ZNF578: variants seen among roughly 807,000 people sequenced by gnomAD.
ZNF578 encodes zinc finger protein 578.
A neutral mutation model predicts 8.3 loss-of-function variants in ZNF578; 8 were observed. That is an observed-to-expected ratio of 0.96 (90% confidence interval 0.56 to 1.74). The LOEUF (loss-of-function observed/expected upper bound fraction) is 1.74, where lower values mean the gene tolerates loss of function less well. ZNF578 is among the 40% of genes most tolerant of loss of function. ZNF578 has a pLI of 0.00. For missense variants in ZNF578, 726 were observed against 707.5 expected (o/e 1.03, Z -0.30); for synonymous variants, 206 against 232.2 (o/e 0.89, Z 1.03).
At position 52,514,528 on chromosome 19, in the gene ZNF578, T is replaced by A. The variant is rs1383295360; in HGVS notation, c.*2374T>A. On this transcript the variant is annotated 3_prime_UTR_variant, in exon 6 of 6. Transcript: ENST00000421239. Reference sequence around the variant, plus strand: ...AGTTAGTCTGTTTTTCAGTTTTCTTTCCTTATGTCATTTTTTAAAATCTTG... The same window carrying A: ...AGTTAGTCTGTTTTTCAGTTTTCTTACCTTATGTCATTTTTTAAAATCTTG... Among the ~76,000 whole-genome samples the A allele has an allele frequency of 1.3e-5, 2 of 152,234 alleles. No homozygotes were observed. Among genetic ancestry groups the A allele is most frequent in the Non-Finnish European group, 2.9e-5 (2 of 68,044 alleles).
chr19:52,501,809 T>C lies in ZNF578; in HGVS notation c.-19-18T>C. Reference sequence around the variant, plus strand: ...GAGTCATATCTAACCTGAAGTCTTATTTTTCTTCCACATACAGGATTGATT... The same window carrying C: ...GAGTCATATCTAACCTGAAGTCTTACTTTTCTTCCACATACAGGATTGATT... On this transcript the variant is annotated intron_variant, in intron 3 of 5. Transcript: ENST00000421239. The C allele has an allele frequency of 1.9e-6, 3 of 1,609,622 alleles. No individual in the cohort carries two copies. The highest frequency in any genetic ancestry group is 2.5e-6 in the Non-Finnish European group (3 of 1,178,454).
At chr19:52,510,495 T>C in intron 5 of ZNF578, 77 bp from the exon 6 acceptor site, 8 of 1,392,408 alleles carry the variant, frequency 5.7e-6, no homozygotes, top group Non-Finnish European at 7.5e-6. Context: ...TATTTTTTAT[T>C]GTGTCATATT....
chr19:52,513,149 T>C lies in ZNF578; in HGVS notation c.*995T>C, dbSNP rs530963089. Among the ~76,000 whole-genome samples, 41 of 152,094 alleles carry C rather than the reference T, an allele frequency of 2.7e-4. No homozygotes were observed. Among genetic ancestry groups the C allele is most frequent in the African/African-American group, 8.7e-4 (36 of 41,516 alleles). ...GATTCCTCTGCCTCAGCCTCCCTAG[T>C]TGCTGGGATTACAGGTATATGCCAC... On this transcript the variant is annotated 3_prime_UTR_variant, in exon 6 of 6. Coordinates refer to ENST00000421239, the MANE Select transcript of ZNF578 (RefSeq NM_001099694.2).
intron 5 of ZNF578, among the ~76,000 whole-genome samples, chr19:52,506,382 G>C (rs551119078): frequency 4.9e-4 from 75 of 152,122 alleles, no homozygotes; most frequent in African/African-American, 1.7e-3. Context: ...AGGCTGAGGT[G>C]GGTGAATCAC....
At position 52,484,766 on chromosome 19, in the gene ZNF578, G is replaced by A. The variant is rs545617546; in HGVS notation, c.-121-6558G>A. ...CTGAGTACCTTGTGACCCCCACTCT[G>A]CCCGCCAGAGAACAACCCCCCTTTG... On this transcript the variant is annotated intron_variant, in intron 2 of 5. Transcript: ENST00000421239. 7.7e-3 allele frequency among the ~76,000 whole-genome samples: 1,154 copies of A among 149,246 alleles called. 15 individuals are homozygous for A. The highest frequency in any genetic ancestry group is 0.027 in the African/African-American group (1,097 of 40,376).
chr19:52,482,279 C>T (rs1336093725), intron 2 of ZNF578, among the ~76,000 whole-genome samples: 1 of 152,162 alleles, frequency 6.6e-6, no homozygotes, highest in Non-Finnish European at 1.5e-5. Flanking sequence ...GGTGATCTCC[C>T]CACCTGGGCC....
chr19:52,496,092 T>C (rs974803072), intron 3 of ZNF578, among the ~76,000 whole-genome samples: 1 of 151,968 alleles, frequency 6.6e-6, no homozygotes, highest in Non-Finnish European at 1.5e-5. Context: ...CGATCTGGAC[T>C]CACTGTAACC....
intron 3 of ZNF578, among the ~76,000 whole-genome samples, chr19:52,500,982 A>T (rs2059405084): frequency 6.6e-6 from 1 of 150,478 alleles, no homozygotes; most frequent in Admixed American, 6.7e-5. Flanking sequence ...GGCTTCAAGC[A>T]ATTCTCCTGC....
chr19:52,499,967 C>T (rs180926014), intron 3 of ZNF578, among the ~76,000 whole-genome samples: 10 of 152,248 alleles, frequency 6.6e-5, no homozygotes, highest in East Asian at 5.8e-4. Flanking sequence ...CCCCACGGGC[C>T]GCTTTCCTTT....
At chr19:52,499,466 G>C (rs947283579) in intron 3 of ZNF578, among the ~76,000 whole-genome samples, 1 of 152,094 alleles carries the variant, frequency 6.6e-6, no homozygotes, top group Non-Finnish European at 1.5e-5. Context: ...CCCACCTTCA[G>C]CTGTCCATAA....
At chr19:52,496,113 G>A (rs1267074850) in intron 3 of ZNF578, among the ~76,000 whole-genome samples, 1 of 151,708 alleles carries the variant, frequency 6.6e-6, no homozygotes, top group Admixed American at 6.6e-5. Flanking sequence ...TCTGCCTCCC[G>A]GGTTCAAGGA....
rs145723928 is a variant in ZNF578 at position 52,502,718 on chromosome 19, C to T, written c.63+810C>T. Among the ~76,000 whole-genome samples the T allele has an allele frequency of 1.1e-4, 17 of 152,180 alleles. No homozygotes were observed. The East Asian group carries it at 1.4e-3, about 12-fold the overall frequency. ...TGCCACTGCACTCCAGCCTGGGAAA[C>T]GGAGCAAGACTCTGTCTCAAAAGAA... On this transcript the variant is annotated intron_variant, in intron 4 of 5. Coordinates refer to ENST00000421239, the MANE Select transcript of ZNF578 (RefSeq NM_001099694.2).
chr19:52,497,924 A>G (rs2059392618), intron 3 of ZNF578, among the ~76,000 whole-genome samples: 1 of 152,128 alleles, frequency 6.6e-6, no homozygotes, highest in Admixed American at 6.6e-5. Flanking sequence ...TTGACTTGGA[A>G]CCTTGGTTTA....
In ZNF578 at chr19:52,511,552, G is replaced by A. The variant is rs746565748; in HGVS notation, c.1171G>A (p.Ala391Thr). 6.8e-6 allele frequency: 11 copies of A among 1,613,292 alleles called. No individual in the cohort carries two copies. In the Admixed American group the frequency reaches 8.3e-5, roughly 12 times the overall value. The stretch of plus-strand genomic sequence containing the variant: ...AAATTCAACCCTTGTAATTCATAAG[G>A]CAATTCATACTGGAGAGAAACCTTA... ...GQNSTLVIHK[A>T]IHTGEKPYKC... The change falls in exon 6 of 6, where the codon GCA (alanine) becomes ACA (threonine). Residue 391 changes from alanine (A) to threonine (T), a missense_variant. Ala to Thr is a moderately conservative substitution (Grantham distance 58). Coordinates refer to ENST00000421239, the MANE Select transcript of ZNF578 (RefSeq NM_001099694.2).
intron 5 of ZNF578, among the ~76,000 whole-genome samples, chr19:52,507,327 G>T (rs1048319198): frequency 6.6e-6 from 1 of 152,144 alleles, no homozygotes; most frequent in African/African-American, 2.4e-5. Flanking sequence ...GGTGGATGGT[G>T]CAGTGAGCCA....
rs184405353 is a variant in ZNF578 at position 52,477,049 on chromosome 19, G to A, written c.-121-14275G>A. Among the ~76,000 whole-genome samples the A allele has an allele frequency of 1.4e-4, 22 of 152,264 alleles. 1 individual carries two copies. The East Asian group carries it at 4.3e-3, about 29-fold the overall frequency. On this transcript the variant is annotated intron_variant, in intron 2 of 5. Transcript: ENST00000421239. Reference sequence around the variant, plus strand: ...CCTGGTTCAAAAACCTGAAGATCTTGTGACATTAAAACTACTTGAATTTCT... The same window carrying A: ...CCTGGTTCAAAAACCTGAAGATCTTATGACATTAAAACTACTTGAATTTCT...
intron 3 of ZNF578, among the ~76,000 whole-genome samples, chr19:52,501,132 C>T (rs957402068): frequency 6.6e-6 from 1 of 152,162 alleles, no homozygotes; most frequent in African/African-American, 2.4e-5. Context: ...CCGCCTCGGC[C>T]TCCCAAAGTG....
At chr19:52,466,124 G>GA (rs2059274333) in intron 2 of ZNF578, among the ~76,000 whole-genome samples, 1 of 152,248 alleles carries the variant, frequency 6.6e-6, no homozygotes, top group Admixed American at 6.5e-5. Flanking sequence ...GATGTTGAGG[G>GA]GTGAAACGAT....
intron 2 of ZNF578, among the ~76,000 whole-genome samples, chr19:52,485,629 A>T (rs909884809): frequency 1.3e-5 from 2 of 152,114 alleles, no homozygotes; most frequent in African/African-American, 4.8e-5. Context: ...TACTAAGAAA[A>T]ATTCTTCTGC....
Sources: gnomAD v4.1 joint callset for allele counts (sites outside exome capture counted in the v4.1 genomes callset) on GRCh38, gnomAD v4.1.1 for gene constraint, MANE v1.5 for transcripts, NCBI Gene and HGNC (gene_info 2026-07-23, HGNC 2026-07-21) for gene names.